GUCY1B1: variants seen among roughly 807,000 people sequenced by gnomAD.
GUCY1B1 encodes the protein guanylate cyclase soluble subunit beta-1.
In GUCY1B1, 43 loss-of-function variants were observed where a neutral mutation model predicts 71.0. The ratio of observed to expected loss-of-function variants is 0.61; its 90% CI spans 0.47 to 0.78. The LOEUF (loss-of-function observed/expected upper bound fraction) is 0.78, where lower values mean the gene tolerates loss of function less well. Among genes scored for constraint, GUCY1B1 ranks in the 30% least tolerant of loss-of-function variants. The probability of loss-of-function intolerance (pLI) is 0.00; values close to 1 mark genes in which losing one functional copy is unlikely to be tolerated. For synonymous variants in GUCY1B1, 266 were observed against 259.7 expected (o/e 1.02, Z -0.23); for missense variants, 535 against 754.1 (o/e 0.71, Z 3.40).
rs143476394 is a variant in GUCY1B1, at chr4:155,803,836, C to T, written c.1554+72C>T. 3.8e-4 allele frequency: 391 copies of T among 1,033,684 alleles called. 3 individuals carry two copies. The African/African-American group carries it at 4.0e-3, about 10-fold the overall frequency. The allele number at this position is 1,033,684 out of a possible 1,614,324, so 64.0% of individuals were successfully genotyped here. A position where few individuals can be genotyped will look rare whatever the true frequency, so the allele number is the denominator to read the frequency against. ...TGGACAATTGATTCATATCGTTGTC[C>T]GGAAAATCATTAACGTGTATAAAGA... On this transcript the variant is annotated intron_variant, in intron 11 of 13. Transcript: ENST00000264424.
chr4:155,804,099 T>C (rs1740143964), intron 11 of GUCY1B1, among the ~76,000 whole-genome samples: 1 of 152,216 alleles, frequency 6.6e-6, no homozygotes, highest in Non-Finnish European at 1.5e-5. Context: ...CAAATGTTTC[T>C]CTTGAGATAG....
Position 155,802,595 on chromosome 4 carries a change from C to A in GUCY1B1, c.1413+16C>A. The A allele has an allele frequency of 6.4e-7, 1 of 1,551,302 alleles. No individual in the cohort carries two copies. Among genetic ancestry groups the A allele is most frequent in the South Asian group, 1.3e-5 (1 of 78,542 alleles). ...TGTTTATAAGGCAAGTGTTCTTTAT[C>A]GCTGACTGCAGAGCTATCCAGAGGC... is the stretch of plus-strand genomic sequence containing the variant. On this transcript the variant is annotated intron_variant, in intron 10 of 13. Coordinates refer to ENST00000264424, the MANE Select transcript of GUCY1B1 (RefSeq NM_000857.5). The surrounding 1 kb of genome is among the most constrained non-coding windows in gnomAD (Gnocchi z 4.3).
At chr4:155,759,607 TG>T (rs1455201241) in intron 1 of GUCY1B1, 179 bp from the exon 2 acceptor site, 3 of 545,978 alleles carry the variant, frequency 5.5e-6, no homozygotes, top group South Asian at 2.5e-5. Context: ...CACCAGGGAT[TG>T]GGGGGTTGCG....
chr4:155,765,818 C>G (rs1737296242), intron 2 of GUCY1B1, among the ~76,000 whole-genome samples: 1 of 152,144 alleles, frequency 6.6e-6, no homozygotes, highest in Non-Finnish European at 1.5e-5. Context: ...CGTTTAACAC[C>G]TGTGCTTGCT....
At chr4:155,778,405 T>C (rs1738201831) in intron 4 of GUCY1B1, among the ~76,000 whole-genome samples, 1 of 152,236 alleles carries the variant, frequency 6.6e-6, no homozygotes, top group African/African-American at 2.4e-5. Flanking sequence ...TATAGTTGTT[T>C]GCAAAGGATA....
intron 2 of GUCY1B1, among the ~76,000 whole-genome samples, chr4:155,769,916 A>G (rs1468020158): frequency 2.0e-5 from 3 of 152,192 alleles, no homozygotes; most frequent in Non-Finnish European, 2.9e-5. Flanking sequence ...GCAACAATTT[A>G]AACAAAATTG....
At position 155,782,743 on chromosome 4, in the gene GUCY1B1, G is replaced by C. The variant is rs183365829; in HGVS notation, c.297+5101G>C. ...TGAGATATTTAAACTTCCTAGGCTA[G>C]AGTACAGGAAGTCTTGGTTTCCTTC... is the stretch of plus-strand genomic sequence containing the variant. On this transcript the variant is annotated intron_variant, in intron 4 of 13. Coordinates refer to ENST00000264424, the MANE Select transcript of GUCY1B1 (RefSeq NM_000857.5). 4.7e-4 allele frequency among the ~76,000 whole-genome samples: 71 copies of C among 152,304 alleles called. 1 individual carries two copies. The highest frequency in any genetic ancestry group is 4.1e-3 in the Admixed American group (63 of 15,296).
intron 3 of GUCY1B1, among the ~76,000 whole-genome samples, chr4:155,775,533 A>T (rs1314075079): frequency 6.6e-6 from 1 of 152,122 alleles, no homozygotes; most frequent in African/African-American, 2.4e-5. Flanking sequence ...AGCTCAAGTG[A>T]TCTACCTGGC....
rs780391921 is a variant in GUCY1B1, at chr4:155,805,157, C to T, written c.1764C>T (p.Gly588=). The change falls in exon 13 of 14, where the codon GGC becomes GGT. Residue 588 remains glycine, a synonymous_variant. Transcript: ENST00000264424. ...SDPQFHLEHR[G]PVSMKGKKEP... ...CACAATTCCACTTGGAGCACAGAGG[C>T]CCAGTGTCCATGAAGGGCAAAAAAG... The T allele has an allele frequency of 1.9e-6, 3 of 1,611,580 alleles. No homozygotes were observed. Among genetic ancestry groups the T allele is most frequent in the Middle Eastern group, 1.7e-4 (1 of 6,046 alleles).
At chr4:155,777,711 CT>C in intron 4 of GUCY1B1, 69 bp downstream of exon 4, 1 of 780,122 alleles carries the variant, frequency 1.3e-6, no homozygotes, top group South Asian at 1.5e-5. Context: ...CTCTAGAATA[CT>C]TTTGTTCACT....
chr4:155,759,701 T>C (rs1736829322), intron 1 of GUCY1B1, 86 bp from the exon 2 acceptor site: 1 of 924,274 alleles, frequency 1.1e-6, no homozygotes, highest in East Asian at 2.5e-5. Context: ...GCCAGCGCCA[T>C]GGGAGCAGAG....
chr4:155,787,079 C>T (rs1345208003), intron 4 of GUCY1B1, among the ~76,000 whole-genome samples: 1 of 151,880 alleles, frequency 6.6e-6, no homozygotes, highest in Non-Finnish European at 1.5e-5. Context: ...CAAAATGTTT[C>T]ACAACATAAG....
intron 4 of GUCY1B1, among the ~76,000 whole-genome samples, chr4:155,778,800 G>A (rs1445510458): frequency 6.6e-6 from 1 of 152,076 alleles, no homozygotes; most frequent in Non-Finnish European, 1.5e-5. Context: ...ATACTTAAAT[G>A]TTTTGGGGGA....
chr4:155,773,477 A>G (rs963354949), intron 2 of GUCY1B1, among the ~76,000 whole-genome samples: 1 of 152,220 alleles, frequency 6.6e-6, no homozygotes, highest in African/African-American at 2.4e-5. Context: ...ACTGTGTTTA[A>G]TAAGCTAAGG....
rs1740357970 is a variant in GUCY1B1, at chr4:155,806,924, A to G, written c.*515A>G. On this transcript the variant is annotated 3_prime_UTR_variant, in exon 14 of 14. Transcript: ENST00000264424. ...AGGAGTGAATTCTAAGTTTTAGGGG[A>G]AAAAATGCAATTTATTTTCAGACTC... The G allele has an allele frequency of 6.6e-6, 1 of 152,236 alleles. No individual in the cohort carries two copies. Among genetic ancestry groups the G allele is most frequent in the Admixed American group, 6.6e-5 (1 of 15,252 alleles). 9.4% of individuals were successfully genotyped at this position (152,236 alleles called of 1,614,324 possible).
intron 2 of GUCY1B1, among the ~76,000 whole-genome samples, chr4:155,768,415 C>A (rs1476536474): frequency 6.8e-6 from 1 of 147,888 alleles, no homozygotes; most frequent in East Asian, 2.0e-4. Flanking sequence ...AGTTTGAAAG[C>A]AAATGATGGA....
intron 2 of GUCY1B1, among the ~76,000 whole-genome samples, chr4:155,760,834 C>A (rs1445592709): frequency 2.0e-5 from 3 of 152,164 alleles, no homozygotes; most frequent in African/African-American, 7.2e-5. Flanking sequence ...ATTATTCACT[C>A]TGATTTCCTG....
Position 155,794,041 on chromosome 4 carries a change from A to G in GUCY1B1, c.681A>G (p.Leu227=). 6.2e-7 allele frequency: 1 copy of G among 1,612,060 alleles called. No homozygotes were observed. Among genetic ancestry groups the G allele is most frequent in the Admixed American group, 1.7e-5 (1 of 60,012 alleles). The change falls in exon 6 of 14, where the codon CTA becomes CTG. Residue 227 remains leucine, a synonymous_variant. Coordinates refer to ENST00000264424, the MANE Select transcript of GUCY1B1 (RefSeq NM_000857.5). The part of the protein sequence containing the change: ...FPFHIIFDRD[L]VVTQCGNAIY... ...TTCATATAATATTTGACCGGGACCT[A>G]GTGGTCACTCAGTGTGGCAATGCTA...
chr4:155,784,212 T>C lies in GUCY1B1; in HGVS notation c.298-5502T>C, dbSNP rs992583249. Among the ~76,000 whole-genome samples, 9 of 152,160 alleles carry C rather than the reference T, an allele frequency of 5.9e-5. 1 individual carries two copies. Among genetic ancestry groups the C allele is most frequent in the Non-Finnish European group, 1.3e-4 (9 of 67,988 alleles). On this transcript the variant is annotated intron_variant, in intron 4 of 13. Transcript: ENST00000264424. ...GACTCTGGTACAGTTTCTTTTTAAA[T>C]AGAGATTTTCAATGTTTCTTTTAGA...
Sources: gnomAD v4.1 joint callset for allele counts (sites outside exome capture counted in the v4.1 genomes callset) on GRCh38, gnomAD v4.1.1 for gene constraint, Gnocchi (gnomAD v3.1) non-coding constraint, MANE v1.5 for transcripts, NCBI Gene and HGNC (gene_info 2026-07-23, HGNC 2026-07-21) for gene names.